LRP1B: variants seen among roughly 807,000 people sequenced by gnomAD.
The protein encoded by LRP1B is LDL receptor related protein 1B, also known as low-density lipoprotein receptor-related protein 1B.
A neutral mutation model predicts 556.6 loss-of-function variants in LRP1B; 217 were observed. That is an observed-to-expected ratio of 0.39 (90% confidence interval 0.35 to 0.44). The LOEUF is 0.44. Ranked by LOEUF, LRP1B falls within the 20% of genes least tolerant of loss-of-function variation. The pLI, the probability that LRP1B is intolerant of heterozygous loss-of-function variation, is 1.00. For missense variants in LRP1B, 5,053 were observed against 5,620.8 expected (o/e 0.90, Z 3.23); for synonymous variants, 2,047 against 1,865.8 (o/e 1.10, Z -2.50).
Position 140,731,758 on chromosome 2 carries a change from C to A in LRP1B, c.5759-14942G>T, listed in dbSNP as rs147370330. Among the ~76,000 whole-genome samples the A allele has an allele frequency of 5.5e-3, 542 of 97,886 alleles. 5 individuals carry two copies. Among genetic ancestry groups the A allele is most frequent in the African/African-American group, 0.021 (477 of 22,718 alleles). The allele number at this position is 97,886 out of a possible 152,430, so 64.2% of individuals were successfully genotyped here. A position where few individuals can be genotyped will look rare whatever the true frequency, so the allele number is the denominator to read the frequency against. On this transcript the variant is annotated intron_variant, in intron 35 of 90. Transcript: ENST00000389484. ...ACTCCAGCCTGGCAACAGAGTGAGA[C>A]TCCGTCAAAAAAAAAAAAAAAAAAA...
intron 3 of LRP1B, among the ~76,000 whole-genome samples, chr2:141,433,314 A>G (rs181785084): frequency 1.2e-3 from 175 of 152,158 alleles, no homozygotes; most frequent in Admixed American, 0.011. Flanking sequence ...CATATAGTTC[A>G]TAGTCCTATC....
At chr2:140,683,868 C>T (rs1685952142) in intron 41 of LRP1B, 2 of 577,926 alleles carry the variant, frequency 3.5e-6, no homozygotes, top group Admixed American at 2.6e-5. Flanking sequence ...CGGCCCCCTG[C>T]GCCTGGGCCC....
chr2:140,560,257 T>C (rs1039960209), intron 43 of LRP1B, among the ~76,000 whole-genome samples: 8 of 152,148 alleles, frequency 5.3e-5, no homozygotes, highest in Non-Finnish European at 2.9e-5. Flanking sequence ...TAATATTAAC[T>C]CTCAACAAGG....
chr2:142,035,961 G>C (rs72853679), intron 1 of LRP1B, among the ~76,000 whole-genome samples: 3,149 of 151,670 alleles, frequency 0.021, 53 homozygotes, highest in Admixed American at 0.031. Context: ...TTTCCACTTT[G>C]CTTTTTCCTC....
At chr2:141,733,120 A>G (rs1693338331) in intron 2 of LRP1B, among the ~76,000 whole-genome samples, 1 of 152,150 alleles carries the variant, frequency 6.6e-6, no homozygotes, top group Non-Finnish European at 1.5e-5. Context: ...TGGTTGTATC[A>G]GGCTATGTTT....
intron 41 of LRP1B, among the ~76,000 whole-genome samples, chr2:140,672,789 C>A (rs902065789): frequency 2.6e-5 from 4 of 152,130 alleles, no homozygotes; most frequent in East Asian, 1.9e-4. Context: ...TTCTCAAAAA[C>A]GTTGTGTCTT....
At chr2:141,491,752 AC>A (rs1559102437) in intron 2 of LRP1B, among the ~76,000 whole-genome samples, 1 of 152,138 alleles carries the variant, frequency 6.6e-6, no homozygotes, top group Non-Finnish European at 1.5e-5. Flanking sequence ...CTTTGATTCC[AC>A]AAATGTGTTA....
At chr2:140,980,657 G>A (rs887835974) in intron 18 of LRP1B, among the ~76,000 whole-genome samples, 1 of 152,060 alleles carries the variant, frequency 6.6e-6, no homozygotes, top group African/African-American at 2.4e-5. Flanking sequence ...TAAATTGAGA[G>A]GTTACCACCA....
intron 3 of LRP1B, among the ~76,000 whole-genome samples, chr2:141,290,423 AT>A (rs1415862435): frequency 2.0e-5 from 3 of 152,136 alleles, no homozygotes; most frequent in African/African-American, 7.2e-5. Flanking sequence ...TATATGGTAC[AT>A]ACCTTTAGTA....
intron 20 of LRP1B, among the ~76,000 whole-genome samples, chr2:140,942,428 G>T (rs773308494): frequency 6.6e-6 from 1 of 151,984 alleles, no homozygotes; most frequent in Non-Finnish European, 1.5e-5. Context: ...ACAGATACAA[G>T]AAATTCAGGG....
intron 2 of LRP1B, among the ~76,000 whole-genome samples, chr2:141,665,231 T>C (rs1425181212): frequency 6.6e-6 from 1 of 151,532 alleles, no homozygotes; most frequent in Non-Finnish European, 1.5e-5. Context: ...TTAAGCAAAT[T>C]CATAAGAAAA....
intron 60 of LRP1B, among the ~76,000 whole-genome samples, chr2:140,457,972 GTGTGTGTGTA>G (rs982527358): frequency 6.6e-6 from 1 of 152,050 alleles, no homozygotes; most frequent in African/African-American, 2.4e-5. Flanking sequence ...ATTTATGTGT[GTGTGTGTGTA>G]TGTGTGTATA....
intron 32 of LRP1B, among the ~76,000 whole-genome samples, chr2:140,793,483 A>T (rs1342611285): frequency 6.6e-6 from 1 of 151,978 alleles, no homozygotes; most frequent in Non-Finnish European, 1.5e-5. Context: ...TGTCACTACT[A>T]CCCAACTCCT....
chr2:141,964,518 G>A (rs1235790272), intron 1 of LRP1B, among the ~76,000 whole-genome samples: 2 of 151,610 alleles, frequency 1.3e-5, no homozygotes, highest in East Asian at 1.9e-4. Flanking sequence ...TTAATAAATG[G>A]TGCTGGGAAA....
At chr2:142,064,310 A>C (rs776249682) in intron 1 of LRP1B, among the ~76,000 whole-genome samples, 2 of 151,624 alleles carry the variant, frequency 1.3e-5, no homozygotes, top group Non-Finnish European at 3.0e-5. Flanking sequence ...AATGGCTTTT[A>C]TCAGAGTTAG....
chr2:140,780,518 T>C (rs945316909), intron 32 of LRP1B, among the ~76,000 whole-genome samples: 1 of 152,158 alleles, frequency 6.6e-6, no homozygotes, highest in African/African-American at 2.4e-5. Context: ...GTGTTTTTAT[T>C]TGGACCACCC....
chr2:141,585,266 G>A (rs1009678505), intron 2 of LRP1B, among the ~76,000 whole-genome samples: 1 of 152,010 alleles, frequency 6.6e-6, no homozygotes, highest in African/African-American at 2.4e-5. Context: ...ATTTTTCTAT[G>A]CTATTTATCC....
At chr2:140,679,598 C>T (rs537708396) in intron 41 of LRP1B, among the ~76,000 whole-genome samples, 73 of 152,320 alleles carry the variant, frequency 4.8e-4, no homozygotes, top group South Asian at 2.5e-3. Flanking sequence ...ATTAAATCAA[C>T]CCCTCCGTAC....
At chr2:140,470,644 C>CAAAAAA (rs35981828) in intron 60 of LRP1B, among the ~76,000 whole-genome samples, 6 of 58,542 alleles carry the variant, frequency 1.0e-4, no homozygotes, top group Non-Finnish European at 1.7e-4. Flanking sequence ...GACTCTGTCT[C>CAAAAAA]AAAAAAAAAA....
Sources: allele counts gnomAD v4.1 joint callset (sites outside exome capture counted in the v4.1 genomes callset), GRCh38; gene constraint gnomAD v4.1.1; transcripts MANE v1.5; gene names NCBI Gene and HGNC (gene_info 2026-07-23, HGNC 2026-07-21).